The following LPL variants were observed in gnomAD, a reference collection of about 807,000 sequenced individuals.
LPL encodes lipoprotein lipase.
Under a neutral mutation model 52.2 loss-of-function variants are expected in LPL, and 43 were observed. The ratio of observed to expected loss-of-function variants is 0.82; its 90% CI spans 0.64 to 1.06. The LOEUF (loss-of-function observed/expected upper bound fraction) is 1.06. Ranked by LOEUF, LPL falls within the 50% of genes least tolerant of loss-of-function variation. The pLI, the probability that LPL is intolerant of heterozygous loss-of-function variation, is 0.00. For synonymous variants in LPL, 244 were observed against 215.6 expected, an observed-to-expected ratio of 1.13 and a Z score of -1.15; for missense variants, 639 against 585.3, an observed-to-expected ratio of 1.09 and a Z score of -0.95.
chr8:19,953,753 G>T (rs993221545), intron 4 of LPL, among the ~76,000 whole-genome samples: 1 of 152,118 alleles, frequency 6.6e-6, no homozygotes, highest in Non-Finnish European at 1.5e-5. Flanking sequence ...AAAAGAAGAA[G>T]GACCAATTCC....
intron 1 of LPL, among the ~76,000 whole-genome samples, chr8:19,945,368 G>A (rs1643445724): frequency 6.6e-6 from 1 of 152,128 alleles, no homozygotes; most frequent in Non-Finnish European, 1.5e-5. Context: ...GAAAAGGAAA[G>A]TTTGACTAAG....
At chr8:19,964,178 C>T (rs1260958510) in intron 9 of LPL, among the ~76,000 whole-genome samples, 1 of 152,152 alleles carries the variant, frequency 6.6e-6, no homozygotes, top group Non-Finnish European at 1.5e-5. Context: ...TCTTGAACTC[C>T]TAACCTCAGG....
rs1590141351 is a variant in LPL, at chr8:19,951,539, C to T, written c.250-230C>T. Among the ~76,000 whole-genome samples, 3 of 152,110 alleles carry T rather than the reference C, an allele frequency of 2.0e-5. No homozygotes were observed. The South Asian group carries it at 6.2e-4, about 32-fold the overall frequency. ...TTTTTAAATGGGAAGCATGGTGAAC[C>T]CCAATCTGCCGTTCCTCAACTCAAC... On this transcript the variant is annotated intron_variant, in intron 2 of 9. Coordinates refer to ENST00000650287, the MANE Select transcript of LPL (RefSeq NM_000237.3).
intron 6 of LPL, among the ~76,000 whole-genome samples, chr8:19,956,884 C>T (rs1292971499): frequency 6.6e-6 from 1 of 152,106 alleles, no homozygotes; most frequent in African/African-American, 2.4e-5. Flanking sequence ...AGGAGAGGGG[C>T]ATGATCTTGG....
intron 8 of LPL, among the ~76,000 whole-genome samples, chr8:19,961,504 G>A (rs1031553283): frequency 1.3e-5 from 2 of 151,778 alleles, no homozygotes; most frequent in African/African-American, 4.8e-5. Context: ...ACCTGTCTCC[G>A]CAGCCCCACC....
intron 3 of LPL, 47 bp from the exon 4 acceptor site, chr8:19,953,263 A>C (rs1554517533): frequency 1.7e-6 from 2 of 1,159,350 alleles, no homozygotes; most frequent in Non-Finnish European, 2.6e-6. Flanking sequence ...TTTTAGTTTT[A>C]TTTTTGGCAG....
chr8:19,960,991 G>C lies in LPL; in HGVS notation c.1230G>C (p.Lys410Asn), dbSNP rs757705770. The C allele has an allele frequency of 2.5e-6, 4 of 1,614,090 alleles. No homozygotes were observed. Among genetic ancestry groups the C allele is most frequent in the Non-Finnish European group, 3.4e-6 (4 of 1,179,952 alleles). Residue 410 changes from lysine (K) to asparagine (N), a missense_variant, in exon 8 of 10, where the codon AAG becomes AAC. Coordinates refer to ENST00000650287, the MANE Select transcript of LPL (RefSeq NM_000237.3). ...GELLMLKLKWKSDSYFSWSDW... is the reference protein window; with the variant it reads ...GELLMLKLKWNSDSYFSWSDW... ...TACTCATGTTGAAGCTCAAATGGAA[G>C]AGTGATTCATACTTTAGCTGGTCAG...
intron 6 of LPL, 150 bp from the exon 7 acceptor site, chr8:19,959,110 T>C: frequency 3.4e-6 from 3 of 877,104 alleles, no homozygotes; most frequent in Admixed American, 4.0e-5. Flanking sequence ...CATGATGAAG[T>C]CTTTCCAAGC....
At chr8:19,947,140 G>C (rs2069888136) in intron 1 of LPL, among the ~76,000 whole-genome samples, 1 of 152,092 alleles carries the variant, frequency 6.6e-6, no homozygotes, top group South Asian at 2.1e-4. Context: ...CCATAGGAGT[G>C]GGAACAGTTT....
Position 19,939,591 on chromosome 8 carries a change from A to G in LPL, c.88+63A>G. 1 of 1,495,698 alleles carries G rather than the reference A, an allele frequency of 6.7e-7. No homozygotes were observed. Among genetic ancestry groups the G allele is most frequent in the Non-Finnish European group, 9.1e-7 (1 of 1,097,142 alleles). The allele number at this position is 1,495,698 out of a possible 1,614,324, so 92.7% of individuals were successfully genotyped here. On this transcript the variant is annotated intron_variant, in intron 1 of 9. Coordinates refer to ENST00000650287, the MANE Select transcript of LPL (RefSeq NM_000237.3). The surrounding 1 kb of genome is among the most constrained non-coding windows in gnomAD (Gnocchi z 4.0). The stretch of plus-strand genomic sequence containing the variant: ...CCGGCGGGTGGCCACTGCCACCCGA[A>G]CTGAGGATGAGAAGAAGGAAGTTGG...
In LPL at chr8:19,959,777, C is replaced by CTTTTTT. The variant is rs71205952; in HGVS notation, c.1139+421_1139+426dup. ...AGAAGTCCATGACAAAGTGTTAGCT[C>CTTTTTT]TTTTTTTTTTTTTTTTTTTTTTTTT... On this transcript the variant is annotated intron_variant, in intron 7 of 9. Transcript: ENST00000650287. 4.8e-3 allele frequency among the ~76,000 whole-genome samples: 310 copies of CTTTTTT among 65,134 alleles called. 44 individuals carry two copies. The highest frequency in any genetic ancestry group is 0.015 in the African/African-American group (234 of 15,154). 42.7% of individuals were successfully genotyped at this position (65,134 alleles called of 152,430 possible).
intron 5 of LPL, among the ~76,000 whole-genome samples, chr8:19,955,559 C>A (rs1190889824): frequency 6.6e-6 from 1 of 152,122 alleles, no homozygotes; most frequent in East Asian, 1.9e-4. Context: ...TCAACCTCCA[C>A]CTTGGAGGCT....
intron 6 of LPL, among the ~76,000 whole-genome samples, chr8:19,957,230 TGA>T (rs1383839595): frequency 6.6e-6 from 1 of 151,970 alleles, no homozygotes; most frequent in African/African-American, 2.4e-5. Flanking sequence ...GGTCGGAAAA[TGA>T]GAGAGGAGGT....
At chr8:19,956,196 T>C in intron 6 of LPL, 113 bp downstream of exon 6, 2 of 1,458,220 alleles carry the variant, frequency 1.4e-6, no homozygotes, top group Non-Finnish European at 1.9e-6. Context: ...CTGGTGTTAC[T>C]AAACCCTGAG....
At position 19,939,465 on chromosome 8, in the gene LPL, C is replaced by G; in HGVS notation, c.25C>G (p.Leu9Val). Reference protein sequence around the residue: MESKALLVLTLAVWLQSLT... With the variant: MESKALLVVTLAVWLQSLT... ...GATGGAGAGCAAAGCCCTGCTCGTG[C>G]TGACTCTGGCCGTGTGGCTCCAGAG... The change falls in exon 1 of 10, where the codon CTG becomes GTG. Residue 9 changes from leucine (L) to valine (V), a missense_variant. Physicochemically the swap from Leu to Val is conservative, Grantham distance 32. Transcript: ENST00000650287. This position sits in a 1 kb window ranked among gnomAD's most constrained non-coding sequence, Gnocchi z 4.0. The G allele has an allele frequency of 6.2e-7, 1 of 1,610,848 alleles. No individual in the cohort carries two copies. The highest frequency in any genetic ancestry group is 8.5e-7 in the Non-Finnish European group (1 of 1,179,040).
At chr8:19,948,459 C>T in intron 2 of LPL, 119 bp downstream of exon 2, 2 of 1,185,174 alleles carry the variant, frequency 1.7e-6, no homozygotes, top group Admixed American at 2.5e-5. Flanking sequence ...GATCTCCTTA[C>T]ACTTGAATAA....
intron 1 of LPL, among the ~76,000 whole-genome samples, chr8:19,942,578 CAG>C (rs2069850202): frequency 6.6e-6 from 1 of 152,200 alleles, no homozygotes; most frequent in South Asian, 2.1e-4. Flanking sequence ...CTTTTATCAA[CAG>C]AGACTTTCTA....
In LPL at chr8:19,950,210, G is replaced by T. The variant is rs1357042596; in HGVS notation, c.250-1559G>T. Among the ~76,000 whole-genome samples, 1 of 152,156 alleles carries T rather than the reference G, an allele frequency of 6.6e-6. No individual in the cohort carries two copies. Among genetic ancestry groups the T allele is most frequent in the East Asian group, 1.9e-4 (1 of 5,192 alleles). On this transcript the variant is annotated intron_variant, in intron 2 of 9. Coordinates refer to ENST00000650287, the MANE Select transcript of LPL (RefSeq NM_000237.3). The surrounding 1 kb of genome is among the most constrained non-coding windows in gnomAD (Gnocchi z 4.2). The stretch of plus-strand genomic sequence containing the variant: ...ACTGGCAGGGTCAGGTGGCCCACCT[G>T]GTATAGGCAGCAGGGAGGGCTTCAG...
rs1183798107 is a variant in LPL at position 19,948,227 on chromosome 8, C to T, written c.136C>T (p.Pro46Ser). The change falls in exon 2 of 10, where the codon CCT becomes TCT. Residue 46 changes from proline (P) to serine (S), a missense_variant. Pro to Ser is a moderately conservative substitution (Grantham distance 74, BLOSUM62 -1). Coordinates refer to ENST00000650287, the MANE Select transcript of LPL (RefSeq NM_000237.3). The part of the protein sequence containing the change: ...DIESKFALRT[P>S]EDTAEDTCHL... ...CGAAAGTAAATTTGCCCTAAGGACC[C>T]CTGAAGACACAGCTGAGGACACTTG... is the stretch of plus-strand genomic sequence containing the variant. The T allele has an allele frequency of 6.2e-7, 1 of 1,613,976 alleles. No homozygotes were observed. The highest frequency in any genetic ancestry group is 1.3e-5 in the African/African-American group (1 of 74,882).
Sources: gnomAD v4.1 joint callset for allele counts (sites outside exome capture counted in the v4.1 genomes callset) on GRCh38, gnomAD v4.1.1 for gene constraint, Gnocchi (gnomAD v3.1) non-coding constraint, MANE v1.5 for transcripts, NCBI Gene and HGNC (gene_info 2026-07-23, HGNC 2026-07-21) for gene names.